The following CBLIF variants were observed in gnomAD, a reference collection of about 807,000 sequenced individuals.
The protein encoded by CBLIF is cobalamin binding intrinsic factor, also known as gastric intrinsic factor (vitamin B synthesis).
CBLIF carries 24 observed loss-of-function variants against 44.9 expected under a neutral mutation model. The observed-to-expected ratio is 0.53, with a 90% CI of 0.39 to 0.75. CBLIF has a LOEUF of 0.75. Ranked by LOEUF, CBLIF falls within the 30% of genes least tolerant of loss-of-function variation. CBLIF has a pLI of 0.00. For missense variants in CBLIF, 481 were observed against 513.0 expected, an observed-to-expected ratio of 0.94 and a Z score of 0.60; for synonymous variants, 183 against 190.9, an observed-to-expected ratio of 0.96 and a Z score of 0.34.
At chr11:59,838,100 G>T (rs970038883) in intron 5 of CBLIF, among the ~76,000 whole-genome samples, 1 of 152,016 alleles carries the variant, frequency 6.6e-6, no homozygotes, top group African/African-American at 2.4e-5. Flanking sequence ...CTTTATTCTG[G>T]TTATTCCTGA....
chr11:59,838,929 ACC>A (rs1866488633), intron 5 of CBLIF, among the ~76,000 whole-genome samples: 1 of 149,088 alleles, frequency 6.7e-6, no homozygotes, highest in Non-Finnish European at 1.5e-5. Context: ...GCTCACTGCA[ACC>A]TCCGTCTCCC....
chr11:59,845,261 C>G, intron 1 of CBLIF, 114 bp downstream of exon 1: 1 of 1,496,436 alleles, frequency 6.7e-7, no homozygotes, highest in South Asian at 1.1e-5. Flanking sequence ...TCAGACTTAC[C>G]CATTTTGGAA....
At chr11:59,830,401 T>A (rs943515275) in intron 8 of CBLIF, among the ~76,000 whole-genome samples, 1 of 152,048 alleles carries the variant, frequency 6.6e-6, no homozygotes, top group Non-Finnish European at 1.5e-5. Context: ...CACGCCTGAC[T>A]AATTTTTTTG....
chr11:59,832,777 C>T (rs1866389722), intron 7 of CBLIF, among the ~76,000 whole-genome samples: 1 of 151,964 alleles, frequency 6.6e-6, no homozygotes, highest in African/African-American at 2.4e-5. Flanking sequence ...ATTTTGAAAA[C>T]ACCTATTAAT....
chr11:59,843,163 G>T, intron 2 of CBLIF, 22 bp from the exon 3 acceptor site: 1 of 1,446,448 alleles, frequency 6.9e-7, no homozygotes, highest in South Asian at 1.1e-5. Flanking sequence ...AGAACACAAC[G>T]GTTAGACAGA....
At chr11:59,843,750 G>T in intron 2 of CBLIF, 129 bp downstream of exon 2, 3 of 751,842 alleles carry the variant, frequency 4.0e-6, no homozygotes, top group Non-Finnish European at 4.8e-6. Flanking sequence ...GGTATGTAAG[G>T]AAAGGTGTTT....
In CBLIF at chr11:59,835,918, C is replaced by G. The variant is rs201134554; in HGVS notation, c.963G>C (p.Gln321His). ...NITVIYTINN[Q>H]LRGVELLFNE... ...TGAAGAGCAGCTCAACCCCCCTCAGCTGGTTATTTATGGTGTATATGACAG... is the reference window on the plus strand; with the variant it reads ...TGAAGAGCAGCTCAACCCCCCTCAGGTGGTTATTTATGGTGTATATGACAG... The change falls in exon 7 of 9, where the codon CAG becomes CAC. Residue 321 changes from glutamine to histidine, a missense_variant. By Grantham distance (24) the Gln-to-His change is conservative. Coordinates refer to ENST00000257248, the MANE Select transcript of CBLIF (RefSeq NM_005142.3). The G allele has an allele frequency of 1.2e-5, 20 of 1,613,948 alleles. No individual in the cohort carries two copies. The African/African-American group carries it at 2.0e-4, about 16-fold the overall frequency.
chr11:59,842,842 T>C (rs1346114141), intron 3 of CBLIF, 186 bp downstream of exon 3: 1 of 655,446 alleles, frequency 1.5e-6, no homozygotes, highest in African/African-American at 1.8e-5. Context: ...CATGACCTTT[T>C]CTAGTTCATT....
intron 7 of CBLIF, among the ~76,000 whole-genome samples, chr11:59,834,311 T>TCTTCCTTCCTTCCTTCCTTCCTTCCTTC (rs1214089354): frequency 1.1e-4 from 4 of 35,570 alleles, no homozygotes; most frequent in African/African-American, 4.6e-4. Context: ...TTTCTTTCTT[T>TCTTCCTTCCTTCCTTCCTTCCTTCCTTC]CTTCCTTCCT....
chr11:59,829,454 T>C lies in CBLIF; in HGVS notation c.*30A>G, dbSNP rs185567715. On this transcript the variant is annotated 3_prime_UTR_variant, in exon 9 of 9. Coordinates refer to ENST00000257248, the MANE Select transcript of CBLIF (RefSeq NM_005142.3). ...AAAAATTTCACCCATCCTTTGGAGA[T>C]GTTTGATAGAAGCTGAACCCACCTC... 2.3e-5 allele frequency: 33 copies of C among 1,455,780 alleles called. No homozygotes were observed. The highest frequency in any genetic ancestry group is 1.9e-4 in the African/African-American group (14 of 71,862). The allele number at this position is 1,455,780 out of a possible 1,614,324, so 90.2% of individuals were successfully genotyped here.
intron 7 of CBLIF, among the ~76,000 whole-genome samples, chr11:59,835,147 C>CTT (rs11307656): frequency 6.4e-5 from 9 of 141,276 alleles, no homozygotes; most frequent in Non-Finnish European, 9.3e-5. Context: ...ATTTCTTTTC[C>CTT]TTTTTTTTTT....
At chr11:59,840,992 A>T in intron 5 of CBLIF, 151 bp downstream of exon 5, 1 of 718,074 alleles carries the variant, frequency 1.4e-6, no homozygotes. Context: ...TTTTACCAGT[A>T]GAGAAACTGA....
intron 8 of CBLIF, among the ~76,000 whole-genome samples, chr11:59,830,336 A>C (rs1866357552): frequency 1.4e-5 from 2 of 145,644 alleles, no homozygotes; most frequent in African/African-American, 5.1e-5. Context: ...TCCTGGGTTC[A>C]TGCCATTCAC....
Position 59,841,293 on chromosome 11 carries a change from G to T in CBLIF, c.543C>A (p.Thr181=), listed in dbSNP as rs1329142440. Residue 181 remains threonine, a synonymous_variant, in exon 5 of 9, where the codon ACC becomes ACA. Coordinates refer to ENST00000257248, the MANE Select transcript of CBLIF (RefSeq NM_005142.3). ...DTGAMATLAL[T]CMYNKIPVGS... ...CTACAGGGATCTTGTTGTACATACA[G>T]GTCAGAGCCAAGGTTGCCATTGCTC... 4.3e-6 allele frequency: 7 copies of T among 1,613,916 alleles called. No homozygotes were observed. The highest frequency in any genetic ancestry group is 1.3e-5 in the African/African-American group (1 of 75,044).
chr11:59,832,388 C>A (rs1450102852), intron 7 of CBLIF, among the ~76,000 whole-genome samples: 1 of 152,088 alleles, frequency 6.6e-6, no homozygotes, highest in Admixed American at 6.6e-5. Context: ...AGAATTAATA[C>A]CTGGGTGATG....
At chr11:59,842,952 CT>C in intron 3 of CBLIF, 75 bp downstream of exon 3, 3 of 933,518 alleles carry the variant, frequency 3.2e-6, no homozygotes, top group Non-Finnish European at 3.5e-6. Context: ...CACCCCCACC[CT>C]TTTCCTTTCT....
At chr11:59,830,103 GAA>G (rs1465271433) in intron 8 of CBLIF, among the ~76,000 whole-genome samples, 1 of 152,068 alleles carries the variant, frequency 6.6e-6, no homozygotes, top group Non-Finnish European at 1.5e-5. Context: ...GCTGGCAACA[GAA>G]AGAATGACAG....
intron 7 of CBLIF, among the ~76,000 whole-genome samples, chr11:59,835,506 T>G (rs548796868): frequency 1.3e-5 from 2 of 152,202 alleles, no homozygotes; most frequent in Admixed American, 1.3e-4. Context: ...TCTTCCCACA[T>G]CTTCCTAAAT....
At chr11:59,840,217 C>T (rs979461929) in intron 5 of CBLIF, among the ~76,000 whole-genome samples, 4 of 152,002 alleles carry the variant, frequency 2.6e-5, no homozygotes, top group Non-Finnish European at 4.4e-5. Flanking sequence ...ATTGTTTTCC[C>T]CAGGAGACAA....
Sources: allele counts gnomAD v4.1 joint callset (sites outside exome capture counted in the v4.1 genomes callset), GRCh38; gene constraint gnomAD v4.1.1; transcripts MANE v1.5; gene names NCBI Gene and HGNC (gene_info 2026-07-23, HGNC 2026-07-21).